Variants in NALCN observed in about 807,000 individuals in gnomAD.
The protein encoded by NALCN is sodium leak channel NALCN.
Under a neutral mutation model 225.3 loss-of-function variants are expected in NALCN, and 111 were observed. That is an observed-to-expected ratio of 0.49 (90% confidence interval 0.42 to 0.58). NALCN has a LOEUF of 0.58. Ranked by LOEUF, NALCN falls within the 20% of genes least tolerant of loss-of-function variation. The pLI is 0.00. For missense variants in NALCN, 1,378 were observed against 2,202.4 expected (o/e 0.63, Z 7.49); for synonymous variants, 764 against 769.0 (o/e 0.99, Z 0.11).
Position 101,346,087 on chromosome 13 carries a change from C to CTCTCTCTCTCTATATA in NALCN, c.645-668_645-667insTATATAGAGAGAGAGA. ...TCTCTCTCTCTCTCTCTCTCTCTCTCTATATATATATATATATATATATAT... is the reference window on the plus strand; with the variant it reads ...TCTCTCTCTCTCTCTCTCTCTCTCTCTCTCTCTCTCTATATATATATATATATATATATATATATAT... On this transcript the variant is annotated intron_variant, in intron 6 of 43. Coordinates refer to ENST00000251127, the MANE Select transcript of NALCN (RefSeq NM_052867.4). Among the ~76,000 whole-genome samples the CTCTCTCTCTCTATATA allele has an allele frequency of 3.1e-3, 218 of 70,916 alleles. 2 individuals are homozygous for CTCTCTCTCTCTATATA. Among genetic ancestry groups the CTCTCTCTCTCTATATA allele is most frequent in the South Asian group, 5.5e-3 (10 of 1,814 alleles). 46.5% of individuals were successfully genotyped at this position (70,916 alleles called of 152,430 possible).
chr13:101,100,185 T>C (rs192433094), intron 27 of NALCN, among the ~76,000 whole-genome samples: 112 of 152,210 alleles, frequency 7.4e-4, no homozygotes, highest in African/African-American at 2.4e-3. Context: ...GGGGAAGCAA[T>C]AAAAAGTGGT....
intron 14 of NALCN, among the ~76,000 whole-genome samples, chr13:101,178,035 C>T (rs1187863606): frequency 6.6e-6 from 1 of 150,414 alleles, no homozygotes; most frequent in Non-Finnish European, 1.5e-5. Context: ...ATCACCATGA[C>T]TGGTACACCA....
rs116624195 is a variant in NALCN, at chr13:101,341,241, C to A, written c.799+4025G>T. On this transcript the variant is annotated intron_variant, in intron 7 of 43. Coordinates refer to ENST00000251127, the MANE Select transcript of NALCN (RefSeq NM_052867.4). ...AAATTCTTGATTGACTGAATGTTTT[C>A]AAGAAGATTTCATGCAAAATATAGT... 6.0e-4 allele frequency among the ~76,000 whole-genome samples: 91 copies of A among 152,238 alleles called. 1 individual carries two copies. Among genetic ancestry groups the A allele is most frequent in the African/African-American group, 2.0e-3 (85 of 41,544 alleles).
chr13:101,237,186 A>G (rs974185570), intron 12 of NALCN, among the ~76,000 whole-genome samples: 3 of 151,950 alleles, frequency 2.0e-5, no homozygotes, highest in African/African-American at 7.2e-5. Flanking sequence ...ACATTTAAAA[A>G]AAGATATCCA....
chr13:101,400,189 T>C (rs529133547), intron 1 of NALCN, among the ~76,000 whole-genome samples: 5 of 152,068 alleles, frequency 3.3e-5, no homozygotes, highest in African/African-American at 1.2e-4. Context: ...TTCTTACACA[T>C]GCATGAGAAA....
At chr13:101,394,385 G>A (rs1220835137) in intron 3 of NALCN, among the ~76,000 whole-genome samples, 1 of 152,118 alleles carries the variant, frequency 6.6e-6, no homozygotes, top group African/African-American at 2.4e-5. Flanking sequence ...ACCAAAATTA[G>A]CTAACTTGAG....
intron 6 of NALCN, among the ~76,000 whole-genome samples, chr13:101,370,879 C>G (rs538662755): frequency 1.3e-5 from 2 of 152,276 alleles, no homozygotes; most frequent in East Asian, 3.9e-4. Context: ...CCAAAGGTTT[C>G]TTGAGGCCCC....
intron 11 of NALCN, among the ~76,000 whole-genome samples, chr13:101,254,887 T>A (rs1271290246): frequency 1.2e-5 from 1 of 84,662 alleles, no homozygotes; most frequent in African/African-American, 4.2e-5. Flanking sequence ...CGAGACTCTG[T>A]CTCAAAAAAA....
At position 101,115,170 on chromosome 13, in the gene NALCN, A is replaced by C. The variant is rs556541228; in HGVS notation, c.2193-3944T>G. 4.6e-5 allele frequency among the ~76,000 whole-genome samples: 7 copies of C among 152,202 alleles called. No individual in the cohort carries two copies. In the South Asian group the frequency reaches 1.4e-3, roughly 32 times the overall value. On this transcript the variant is annotated intron_variant, in intron 18 of 43. Coordinates refer to ENST00000251127, the MANE Select transcript of NALCN (RefSeq NM_052867.4). ...TTTAAAATATACTTTTAAAGGGGCA[A>C]GTTAAATAATCTTAATTTTATCTCA...
intron 1 of NALCN, among the ~76,000 whole-genome samples, chr13:101,409,578 T>C (rs1262454322): frequency 6.6e-6 from 1 of 152,210 alleles, no homozygotes; most frequent in East Asian, 1.9e-4. Context: ...TTATATATTA[T>C]GAAAAACCAG....
intron 15 of NALCN, among the ~76,000 whole-genome samples, chr13:101,153,670 G>A (rs567303106): frequency 2.1e-4 from 32 of 152,220 alleles, no homozygotes; most frequent in African/African-American, 4.3e-4. Flanking sequence ...CAAAGTCAGC[G>A]TATTTCCCAT....
At chr13:101,106,037 G>A (rs2035077586) in intron 22 of NALCN, among the ~76,000 whole-genome samples, 2 of 152,160 alleles carry the variant, frequency 1.3e-5, no homozygotes, top group South Asian at 4.1e-4. Context: ...AGTTTTGGAG[G>A]CTGGAAATCC....
At position 101,292,401 on chromosome 13, in the gene NALCN, C is replaced by T. The variant is rs570252; in HGVS notation, c.800-35G>A. On this transcript the variant is annotated intron_variant, in intron 7 of 43. Transcript: ENST00000251127. The surrounding 1 kb of genome is among the most constrained non-coding windows in gnomAD (Gnocchi z 4.3). Reference sequence around the variant, plus strand: ...CAGAGGAGGACAGACTGAGTCACAGCTGACTTTTGAAATAAGAAAGCATTT... The same window carrying T: ...CAGAGGAGGACAGACTGAGTCACAGTTGACTTTTGAAATAAGAAAGCATTT... 818,419 of 1,558,420 alleles carry T rather than the reference C, an allele frequency of 0.53. 216,599 individuals carry two copies. Among genetic ancestry groups the T allele is most frequent in the East Asian group, 0.63 (27,924 of 44,076 alleles).
intron 15 of NALCN, among the ~76,000 whole-genome samples, chr13:101,157,516 A>G (rs1026643645): frequency 6.6e-6 from 1 of 152,200 alleles, no homozygotes; most frequent in African/African-American, 2.4e-5. Flanking sequence ...GTGGAATGTA[A>G]GGGAAGGCCA....
intron 7 of NALCN, among the ~76,000 whole-genome samples, chr13:101,305,225 T>C (rs890817638): frequency 1.3e-5 from 2 of 152,200 alleles, no homozygotes; most frequent in Admixed American, 1.3e-4. Flanking sequence ...GAAATGGAGT[T>C]GAATGTTGTA....
At chr13:101,074,712 G>GAC in intron 35 of NALCN, 50 bp from the exon 36 acceptor site, 1 of 1,297,752 alleles carries the variant, frequency 7.7e-7, no homozygotes, top group Non-Finnish European at 1.0e-6. Context: ...GAGAGAGAGA[G>GAC]ACAGAGACAG....
At chr13:101,378,969 T>A (rs1279264088) in intron 3 of NALCN, among the ~76,000 whole-genome samples, 1 of 152,146 alleles carries the variant, frequency 6.6e-6, no homozygotes, top group Non-Finnish European at 1.5e-5. Context: ...ATATGCTATG[T>A]AGGTCCTAAG....
intron 37 of NALCN, among the ~76,000 whole-genome samples, chr13:101,072,445 T>G (rs1479131012): frequency 2.0e-5 from 3 of 152,242 alleles, no homozygotes; most frequent in Non-Finnish European, 4.4e-5. Flanking sequence ...TCTCATTGTT[T>G]ACAGGCTCTA....
intron 37 of NALCN, among the ~76,000 whole-genome samples, chr13:101,073,304 A>C (rs1451504764): frequency 6.6e-6 from 1 of 152,170 alleles, no homozygotes; most frequent in Non-Finnish European, 1.5e-5. Flanking sequence ...TTTGACTTTC[A>C]TTACCAAAAT....
Sources: gnomAD v4.1 joint callset for allele counts (sites outside exome capture counted in the v4.1 genomes callset) on GRCh38, gnomAD v4.1.1 for gene constraint, Gnocchi (gnomAD v3.1) non-coding constraint, MANE v1.5 for transcripts, NCBI Gene and HGNC (gene_info 2026-07-23, HGNC 2026-07-21) for gene names.